CAMTA1: variants seen among roughly 807,000 people sequenced by gnomAD.
The protein encoded by CAMTA1 is calmodulin binding transcription activator 1, also known as calmodulin-binding transcription activator 1.
In CAMTA1, 27 loss-of-function variants were observed where a neutral mutation model predicts 170.9. That is an observed-to-expected ratio of 0.16 (90% CI 0.12 to 0.22). The LOEUF (loss-of-function observed/expected upper bound fraction) is 0.22, where lower values mean the gene tolerates loss of function less well. CAMTA1 is among the 10% of genes least tolerant of loss of function. The probability of loss-of-function intolerance (pLI) is 1.00; values close to 1 mark genes in which losing one functional copy is unlikely to be tolerated. For missense variants in CAMTA1, 1,619 were observed against 2,217.2 expected, an observed-to-expected ratio of 0.73 and a Z score of 5.42; for synonymous variants, 833 against 891.5, an observed-to-expected ratio of 0.93 and a Z score of 1.17.
At position 7,007,040 on chromosome 1, in the gene CAMTA1, G is replaced by A. The variant is rs1015908911; in HGVS notation, c.235-84264G>A. 1.3e-5 allele frequency among the ~76,000 whole-genome samples: 2 copies of A among 151,982 alleles called. No individual in the cohort carries two copies. The highest frequency in any genetic ancestry group is 1.3e-4 in the Admixed American group (2 of 15,260). On this transcript the variant is annotated intron_variant, in intron 3 of 22. Coordinates refer to ENST00000303635, the MANE Select transcript of CAMTA1 (RefSeq NM_015215.4). This position sits in a 1 kb window ranked among gnomAD's most constrained non-coding sequence, Gnocchi z 4.5. Reference sequence around the variant, plus strand: ...AAAAAAAATAAGAATTTTTGGATACGGTATTAATAATGTTACGGAATGGGC... The same window carrying A: ...AAAAAAAATAAGAATTTTTGGATACAGTATTAATAATGTTACGGAATGGGC...
intron 6 of CAMTA1, among the ~76,000 whole-genome samples, chr1:7,602,186 G>A (rs951715939): frequency 1.2e-4 from 13 of 111,372 alleles, no homozygotes; most frequent in Non-Finnish European, 1.9e-4. Flanking sequence ...CCCTCCCCTC[G>A]ATTCCCTCTT....
intron 5 of CAMTA1, among the ~76,000 whole-genome samples, chr1:7,269,836 G>A (rs535207403): frequency 5.3e-5 from 8 of 152,300 alleles, no homozygotes; most frequent in African/African-American, 1.9e-4. Context: ...TTTTCCAAAT[G>A]TGATGAAACT....
chr1:7,417,360 G>T (rs2091256513), intron 5 of CAMTA1, among the ~76,000 whole-genome samples: 3 of 152,232 alleles, frequency 2.0e-5, no homozygotes, highest in Non-Finnish European at 4.4e-5. Context: ...GTTTGTCTGT[G>T]CCCTGCCCCC....
chr1:6,860,115 T>A (rs1664096157), intron 3 of CAMTA1, among the ~76,000 whole-genome samples: 1 of 152,210 alleles, frequency 6.6e-6, no homozygotes, highest in Non-Finnish European at 1.5e-5. Flanking sequence ...GTATGTATAA[T>A]ATTTCTCCCT....
intron 4 of CAMTA1, among the ~76,000 whole-genome samples, chr1:7,188,992 A>G (rs1001090697): frequency 6.6e-6 from 1 of 152,212 alleles, no homozygotes; most frequent in African/African-American, 2.4e-5. Flanking sequence ...TTTTAATAAT[A>G]GCCATGCTAG....
intron 5 of CAMTA1, among the ~76,000 whole-genome samples, chr1:7,276,278 CATATATATATATAT>C (rs1210333666): frequency 1.5e-4 from 9 of 58,556 alleles, no homozygotes; most frequent in Middle Eastern, 9.1e-3. Flanking sequence ...TACACCTGAT[CATATATATATATAT>C]ATATATATAT....
At chr1:7,282,232 C>T (rs748216445) in intron 5 of CAMTA1, among the ~76,000 whole-genome samples, 3 of 152,198 alleles carry the variant, frequency 2.0e-5, no homozygotes, top group Non-Finnish European at 2.9e-5. Context: ...AGGGATCCTG[C>T]AGGCCCAACC....
intron 4 of CAMTA1, among the ~76,000 whole-genome samples, chr1:7,102,284 G>A (rs1246566334): frequency 1.3e-5 from 2 of 152,104 alleles, no homozygotes; most frequent in Non-Finnish European, 2.9e-5. Flanking sequence ...TGGGGAAGAG[G>A]GAGCGAGAGT....
intron 4 of CAMTA1, among the ~76,000 whole-genome samples, chr1:7,245,897 A>G (rs1665693938): frequency 6.6e-6 from 1 of 152,178 alleles, no homozygotes; most frequent in Non-Finnish European, 1.5e-5. Flanking sequence ...ATGAAGGGCC[A>G]TTCCCCCTGC....
At chr1:6,798,287 C>G (rs1643035822) in intron 1 of CAMTA1, among the ~76,000 whole-genome samples, 1 of 151,848 alleles carries the variant, frequency 6.6e-6, no homozygotes. Flanking sequence ...CGCACCCAGC[C>G]TAAAAAAGGA....
chr1:7,055,078 C>T (rs1162861609), intron 3 of CAMTA1, among the ~76,000 whole-genome samples: 3 of 152,132 alleles, frequency 2.0e-5, no homozygotes, highest in African/African-American at 7.2e-5. Flanking sequence ...GGGGATGCCA[C>T]TAACCCATTC....
In CAMTA1 at chr1:6,807,027, G is replaced by C. The variant is rs773391879; in HGVS notation, c.46-13154G>C. The C allele has an allele frequency of 7.4e-6, 5 of 672,920 alleles. No individual in the cohort carries two copies. In the South Asian group the frequency reaches 8.0e-5, roughly 11 times the overall value. 41.7% of individuals were successfully genotyped at this position (672,920 alleles called of 1,614,324 possible). A position where few individuals can be genotyped will look rare whatever the true frequency, so the allele number is the denominator to read the frequency against. On this transcript the variant is annotated intron_variant, in intron 1 of 22. Transcript: ENST00000303635. ...CAGTCTCTGTCCTTATGGAGCTAAG[G>C]GGGAGACGGACATTAATCAAGATGC...
intron 6 of CAMTA1, among the ~76,000 whole-genome samples, chr1:7,616,992 GT>G: frequency 6.6e-6 from 1 of 152,342 alleles, no homozygotes; most frequent in Non-Finnish European, 1.5e-5. Context: ...CCGCAGGGAA[GT>G]TTTCCCTCTA....
chr1:7,464,880 C>T (rs1393701829), intron 5 of CAMTA1, among the ~76,000 whole-genome samples: 3 of 152,134 alleles, frequency 2.0e-5, no homozygotes, highest in Non-Finnish European at 4.4e-5. Flanking sequence ...GAGCCCAAGT[C>T]ACACATCTCC....
chr1:7,762,141 C>T (rs2096980809), intron 22 of CAMTA1, among the ~76,000 whole-genome samples: 1 of 152,108 alleles, frequency 6.6e-6, no homozygotes, highest in Non-Finnish European at 1.5e-5. Flanking sequence ...AACCCTCTCT[C>T]TAAATAAGTG....
chr1:7,625,527 TG>T (rs34877898), intron 6 of CAMTA1, among the ~76,000 whole-genome samples: 1 of 152,024 alleles, frequency 6.6e-6, no homozygotes, highest in African/African-American at 2.4e-5. Context: ...GAGGAGTGAG[TG>T]GGGTTGCCAG....
At chr1:7,295,820 A>C (rs911771339) in intron 5 of CAMTA1, among the ~76,000 whole-genome samples, 1 of 152,208 alleles carries the variant, frequency 6.6e-6, no homozygotes, top group Non-Finnish European at 1.5e-5. Flanking sequence ...TGTATTGGTT[A>C]TCTATCTCTG....
intron 11 of CAMTA1, among the ~76,000 whole-genome samples, chr1:7,699,675 C>T (rs12126833): frequency 0.073 from 11,147 of 152,210 alleles, 571 homozygotes; most frequent in Admixed American, 0.12. Context: ...TCCTTGCCAA[C>T]GCTTGTTATT....
At chr1:7,177,936 C>T (rs913731413) in intron 4 of CAMTA1, among the ~76,000 whole-genome samples, 5 of 151,860 alleles carry the variant, frequency 3.3e-5, no homozygotes, top group Admixed American at 2.6e-4. Context: ...ACAGAGGCTC[C>T]TCTCCACACA....
Sources: gnomAD v4.1 joint callset for allele counts (sites outside exome capture counted in the v4.1 genomes callset) on GRCh38, gnomAD v4.1.1 for gene constraint, Gnocchi (gnomAD v3.1) non-coding constraint, MANE v1.5 for transcripts, NCBI Gene and HGNC (gene_info 2026-07-23, HGNC 2026-07-21) for gene names.